Variants in CYFIP2 observed in about 807,000 individuals in gnomAD.
The protein encoded by CYFIP2 is cytoplasmic FMR1 interacting protein 2, also known as cytoplasmic FMR1-interacting protein 2.
CYFIP2 carries 29 observed loss-of-function variants against 158.7 expected under a neutral mutation model. The observed-to-expected ratio is 0.18, with a 90% CI of 0.14 to 0.25. The LOEUF is 0.25. CYFIP2 is among the 10% of genes least tolerant of loss of function. The pLI, the probability that CYFIP2 is intolerant of heterozygous loss-of-function variation, is 1.00. For missense variants in CYFIP2, 852 were observed against 1,639.5 expected (o/e 0.52, Z 8.29); for synonymous variants, 585 against 617.6 (o/e 0.95, Z 0.78).
intron 23 of CYFIP2, among the ~76,000 whole-genome samples, chr5:157,351,882 C>T (rs763842332): frequency 6.6e-5 from 10 of 152,150 alleles, no homozygotes; most frequent in African/African-American, 2.2e-4. Context: ...GATGTGGTAG[C>T]GTCAGGGAAG....
chr5:157,374,206 CCT>C (rs1247181913), intron 26 of CYFIP2, among the ~76,000 whole-genome samples: 1 of 152,174 alleles, frequency 6.6e-6, no homozygotes, highest in Non-Finnish European at 1.5e-5. Flanking sequence ...GCCACTGCTG[CCT>C]CTCAATAGTG....
chr5:157,367,030 A>G (rs906923552), intron 26 of CYFIP2, among the ~76,000 whole-genome samples: 9 of 152,148 alleles, frequency 5.9e-5, no homozygotes, highest in Non-Finnish European at 1.3e-4. Flanking sequence ...CTTTGCCTTC[A>G]TCTCTGTTAC....
chr5:157,270,213 T>G (rs1320676175), intron 1 of CYFIP2, among the ~76,000 whole-genome samples: 2 of 152,232 alleles, frequency 1.3e-5, no homozygotes, highest in Non-Finnish European at 2.9e-5. Flanking sequence ...CATTATTTGG[T>G]CATTGTAGAG....
rs540599697 is a variant in CYFIP2, at chr5:157,299,757, C to T, written c.388-958C>T. Reference sequence around the variant, plus strand: ...CTCTACTAAAAATACAAAAAATTAGCTGGGCATGGTGGTGCATGCCTGTAA... The same window carrying T: ...CTCTACTAAAAATACAAAAAATTAGTTGGGCATGGTGGTGCATGCCTGTAA... On this transcript the variant is annotated intron_variant, in intron 5 of 30. Transcript: ENST00000620254. Among the ~76,000 whole-genome samples, 3 of 152,150 alleles carry T rather than the reference C, an allele frequency of 2.0e-5. No homozygotes were observed. The East Asian group carries it at 5.8e-4, about 29-fold the overall frequency.
intron 15 of CYFIP2, among the ~76,000 whole-genome samples, chr5:157,322,090 G>A (rs985142854): frequency 8.5e-5 from 13 of 152,160 alleles, no homozygotes; most frequent in East Asian, 1.9e-4. Context: ...AGTAAATCCC[G>A]CCTCACCCCC....
intron 3 of CYFIP2, among the ~76,000 whole-genome samples, chr5:157,292,438 C>T (rs530191778): frequency 3.3e-5 from 5 of 152,214 alleles, no homozygotes; most frequent in African/African-American, 9.6e-5. Flanking sequence ...AGGCTGGCCT[C>T]GAACTCCCGA....
intron 20 of CYFIP2, among the ~76,000 whole-genome samples, chr5:157,331,132 C>CT (rs2113176483): frequency 6.6e-6 from 1 of 152,188 alleles, no homozygotes; most frequent in African/African-American, 2.4e-5. Flanking sequence ...CTGCAGCCCA[C>CT]TTTTTTCAGC....
Position 157,395,243 on chromosome 5 carries a change from T to A in CYFIP2, c.*2243T>A. 2 of 268,162 alleles carry A rather than the reference T, an allele frequency of 7.5e-6. No individual in the cohort carries two copies. The highest frequency in any genetic ancestry group is 1.4e-5 in the Non-Finnish European group (2 of 140,340). The allele number at this position is 268,162 out of a possible 1,614,324, so 16.6% of individuals were successfully genotyped here. On this transcript the variant is annotated 3_prime_UTR_variant, in exon 31 of 31. Transcript: ENST00000620254. ...TTCCGAACACCCAATGAGTTTAATA[T>A]TCTTTCCTCCTTGGCATTACTGCCC...
At position 157,309,761 on chromosome 5, in the gene CYFIP2, CT is replaced by C; in HGVS notation, c.923del (p.Phe308SerfsTer6). The part of the protein sequence containing the change: ...KFFKQLQVVP[L>X]FGDMQIELAR... Reference sequence around the variant, plus strand: ...TTTGCAGCAGCTGCAGGTGGTGCCCCTTTTCGGCGACATGCAGATAGAGCTG... The same window carrying C: ...TTTGCAGCAGCTGCAGGTGGTGCCCCTTTCGGCGACATGCAGATAGAGCTG... On this transcript the variant is annotated frameshift_variant, in exon 10 of 31. Transcript: ENST00000620254. LOFTEE classifies it high-confidence loss of function. The C allele has an allele frequency of 6.2e-7, 1 of 1,606,316 alleles. No homozygotes were observed. The highest frequency in any genetic ancestry group is 1.1e-5 in the South Asian group (1 of 89,064).
At chr5:157,379,823 C>G (rs1324648869) in intron 26 of CYFIP2, among the ~76,000 whole-genome samples, 1 of 152,126 alleles carries the variant, frequency 6.6e-6, no homozygotes, top group Non-Finnish European at 1.5e-5. Context: ...CAGACAGAGC[C>G]TATTTATCCA....
intron 5 of CYFIP2, among the ~76,000 whole-genome samples, chr5:157,300,450 G>A (rs1581007367): frequency 1.3e-5 from 2 of 151,254 alleles, no homozygotes; most frequent in African/African-American, 4.9e-5. Flanking sequence ...CAGGAGAATT[G>A]CTTGAACCTG....
In CYFIP2 at chr5:157,383,260, T is replaced by C; in HGVS notation, c.3113-5T>C. ...TCATTTTCTGCTCTGCGACTCCTTT[T>C]GCAGAGGGGGAGCGCCTGGAGGTCC... On this transcript the variant is annotated splice_polypyrimidine_tract_variant and splice_region_variant and intron_variant, in intron 27 of 30. Coordinates refer to ENST00000620254, the MANE Select transcript of CYFIP2 (RefSeq NM_001037333.3). 1 of 1,613,510 alleles carries C rather than the reference T, an allele frequency of 6.2e-7. No homozygotes were observed. The highest frequency in any genetic ancestry group is 2.2e-5 in the East Asian group (1 of 44,866).
At chr5:157,282,931 G>A (rs1436157084) in intron 1 of CYFIP2, among the ~76,000 whole-genome samples, 4 of 152,228 alleles carry the variant, frequency 2.6e-5, no homozygotes, top group Non-Finnish European at 5.9e-5. Context: ...TTAAGAAGCT[G>A]TGCACATGAT....
At chr5:157,386,723 C>T (rs934903188) in intron 28 of CYFIP2, among the ~76,000 whole-genome samples, 2 of 152,078 alleles carry the variant, frequency 1.3e-5, no homozygotes, top group African/African-American at 4.8e-5. Flanking sequence ...AGTTCAAGAC[C>T]AGCCTGGCCA....
intron 23 of CYFIP2, 142 bp from the exon 24 acceptor site, chr5:157,358,863 T>C (rs1763601904): frequency 9.4e-7 from 1 of 1,069,044 alleles, no homozygotes; most frequent in Non-Finnish European, 1.4e-6. Flanking sequence ...GACCACCATT[T>C]TGCAAACATA....
At chr5:157,347,305 GAA>G (rs11447275) in intron 23 of CYFIP2, among the ~76,000 whole-genome samples, 6 of 134,166 alleles carry the variant, frequency 4.5e-5, no homozygotes, top group Admixed American at 1.5e-4. Context: ...TTTTCCCTTG[GAA>G]AAAAAAAAAA....
At position 157,325,610 on chromosome 5, in the gene CYFIP2, C is replaced by T. The variant is rs770005793; in HGVS notation, c.1954C>T (p.Leu652=). 2 of 1,611,340 alleles carry T rather than the reference C, an allele frequency of 1.2e-6. No homozygotes were observed. The highest frequency in any genetic ancestry group is 2.2e-5 in the South Asian group (2 of 90,366). The change falls in exon 17 of 31, where the codon CTG becomes TTG. Residue 652 remains leucine (L), a synonymous_variant. Transcript: ENST00000620254. ...SMPWILTDHI[L]ETKEPSMMEY... is the part of the protein sequence containing the mutation. Reference sequence around the variant, plus strand: ...GCCCTGGATTCTAACGGACCATATCCTGGAAACCAAAGAACCTTCCATGAT... The same window carrying T: ...GCCCTGGATTCTAACGGACCATATCTTGGAAACCAAAGAACCTTCCATGAT...
At chr5:157,293,483 T>G (rs571622876) in intron 3 of CYFIP2, among the ~76,000 whole-genome samples, 3 of 152,326 alleles carry the variant, frequency 2.0e-5, no homozygotes, top group African/African-American at 7.2e-5. Flanking sequence ...CCATCTGCTC[T>G]GCTTATTATT....
intron 1 of CYFIP2, among the ~76,000 whole-genome samples, chr5:157,283,167 T>C (rs1733488120): frequency 6.6e-6 from 1 of 152,178 alleles, no homozygotes; most frequent in Admixed American, 6.5e-5. Flanking sequence ...TCCTATGAAA[T>C]TAAATGCCGA....
Sources: allele counts gnomAD v4.1 joint callset (sites outside exome capture counted in the v4.1 genomes callset), GRCh38; gene constraint gnomAD v4.1.1; transcripts MANE v1.5; gene names NCBI Gene and HGNC (gene_info 2026-07-23, HGNC 2026-07-21).